The following VOPP1 variants were observed in gnomAD, a reference collection of about 807,000 sequenced individuals.
VOPP1 encodes the protein WW domain binding protein VOPP1.
In VOPP1, 8 loss-of-function variants were observed where a neutral mutation model predicts 23.5. The observed-to-expected ratio is 0.34, with a 90% CI of 0.20 to 0.61. VOPP1 has a LOEUF of 0.61. Among genes scored for constraint, VOPP1 ranks in the 20% least tolerant of loss-of-function variants. The pLI, the probability that VOPP1 is intolerant of heterozygous loss-of-function variation, is 0.78. For missense variants in VOPP1, 174 were observed against 238.1 expected, an observed-to-expected ratio of 0.73 and a Z score of 1.77; for synonymous variants, 83 against 97.3, an observed-to-expected ratio of 0.85 and a Z score of 0.86.
At chr7:55,444,841 A>T (rs1791056258) in intron 4 of VOPP1, among the ~76,000 whole-genome samples, 1 of 152,026 alleles carries the variant, frequency 6.6e-6, no homozygotes, top group African/African-American at 2.4e-5. Context: ...TATTTTTCTG[A>T]CAGTACCTTG....
intron 2 of VOPP1, among the ~76,000 whole-genome samples, chr7:55,499,148 T>C (rs1342937425): frequency 6.7e-6 from 1 of 150,362 alleles, no homozygotes; most frequent in Non-Finnish European, 1.5e-5. Context: ...CCTAAATGAG[T>C]GCTCAAGAAT....
chr7:55,440,938 A>G (rs1246492288), intron 4 of VOPP1, among the ~76,000 whole-genome samples: 1 of 152,206 alleles, frequency 6.6e-6, no homozygotes, highest in Non-Finnish European at 1.5e-5. Context: ...AACCATGTTC[A>G]GGGATCAAAG....
chr7:55,452,210 T>A (rs1036262381), intron 4 of VOPP1, among the ~76,000 whole-genome samples: 1 of 152,224 alleles, frequency 6.6e-6, no homozygotes, highest in Admixed American at 6.5e-5. Flanking sequence ...CCTTCTTCAC[T>A]CATCCATAGG....
intron 1 of VOPP1, among the ~76,000 whole-genome samples, chr7:55,547,771 C>T (rs1797430273): frequency 1.3e-5 from 2 of 152,192 alleles, no homozygotes; most frequent in South Asian, 4.1e-4. Flanking sequence ...CTGAGTGGTG[C>T]CTGGTTCCCT....
downstream of VOPP1, among the ~76,000 whole-genome samples, chr7:55,468,480 T>C (rs539491243): frequency 1.8e-4 from 28 of 152,228 alleles, no homozygotes; most frequent in African/African-American, 6.7e-4. Flanking sequence ...GGCCTGGCCC[T>C]TCCCAGCGGA....
intron 3 of VOPP1, among the ~76,000 whole-genome samples, chr7:55,497,269 G>A (rs981377911): frequency 5.3e-5 from 8 of 152,244 alleles, no homozygotes; most frequent in African/African-American, 1.9e-4. Flanking sequence ...GCCAGTCTCA[G>A]TTGGGTGATT....
At chr7:55,493,899 G>A (rs1793759246) in intron 3 of VOPP1, among the ~76,000 whole-genome samples, 2 of 152,176 alleles carry the variant, frequency 1.3e-5, no homozygotes, top group Admixed American at 1.3e-4. Context: ...GCACCAAGAG[G>A]TTTGAACAAG....
chr7:55,540,005 G>A (rs920534858), intron 1 of VOPP1, among the ~76,000 whole-genome samples: 5 of 151,692 alleles, frequency 3.3e-5, no homozygotes, highest in African/African-American at 9.7e-5. Context: ...CCAACTTAGG[G>A]ATGGTTTAAA....
At chr7:55,571,987 G>A (rs1798377155) in intron 1 of VOPP1, 2 of 371,912 alleles carry the variant, frequency 5.4e-6, no homozygotes, top group African/African-American at 2.1e-5. Context: ...AGGTCACCCC[G>A]AGCTAACGGA....
intron 2 of VOPP1, among the ~76,000 whole-genome samples, chr7:55,511,103 G>T (rs372075141): frequency 1.3e-5 from 2 of 152,198 alleles, no homozygotes; most frequent in African/African-American, 4.8e-5. Context: ...CCTTGTAAAG[G>T]TTTTGACTTA....
In VOPP1 at chr7:55,470,788, G is replaced by C. The variant is rs919138543; in HGVS notation, c.*2067C>G. 1.3e-5 allele frequency: 2 copies of C among 152,240 alleles called. No individual in the cohort carries two copies. The highest frequency in any genetic ancestry group is 4.8e-5 in the African/African-American group (2 of 41,414). The allele number at this position is 152,240 out of a possible 1,614,324, so 9.4% of individuals were successfully genotyped here. On this transcript the variant is annotated 3_prime_UTR_variant, in exon 5 of 5. Transcript: ENST00000285279. ...CACACCAGGAGCTGTCTCACTCCAG[G>C]AAGTGGGCACAACCCACCATCCACA...
intron 4 of VOPP1, among the ~76,000 whole-genome samples, chr7:55,476,429 C>CGGGGGGGGGGG: frequency 1.3e-4 from 1 of 7,610 alleles, no homozygotes; most frequent in Non-Finnish European, 2.8e-4. Context: ...AGTGGCGTGT[C>CGGGGGGGGGGG]GGGGGGGTGG....
chr7:55,568,701 A>G (rs1423543760), intron 1 of VOPP1, among the ~76,000 whole-genome samples: 2 of 152,246 alleles, frequency 1.3e-5, no homozygotes, highest in African/African-American at 2.4e-5. Context: ...CTAGAAAACA[A>G]TGCACACAAC....
At chr7:55,508,444 T>A (rs1332712386) in intron 2 of VOPP1, among the ~76,000 whole-genome samples, 3 of 152,108 alleles carry the variant, frequency 2.0e-5, no homozygotes, top group African/African-American at 7.2e-5. Context: ...ATTACAAAAA[T>A]TTTTTCTACA....
At chr7:55,495,482 C>G (rs1256392544) in intron 3 of VOPP1, among the ~76,000 whole-genome samples, 2 of 152,218 alleles carry the variant, frequency 1.3e-5, no homozygotes, top group South Asian at 2.1e-4. Flanking sequence ...CCTTTTAACA[C>G]ATCCACTCTT....
In VOPP1 at chr7:55,543,645, C is replaced by T. The variant is rs545430588; in HGVS notation, c.55-22515G>A. On this transcript the variant is annotated intron_variant, in intron 1 of 4. Transcript: ENST00000285279. ...ATCTCATGGTTTTGATTTGCATTTC[C>T]CTAATGATTAGCGGTGTTGAGTATT... Among the ~76,000 whole-genome samples, 3 of 151,904 alleles carry T rather than the reference C, an allele frequency of 2.0e-5. 1 individual carries two copies. In the South Asian group the frequency reaches 6.2e-4, roughly 32 times the overall value.
At chr7:55,538,204 A>G (rs1321703317) in intron 1 of VOPP1, among the ~76,000 whole-genome samples, 1 of 152,178 alleles carries the variant, frequency 6.6e-6, no homozygotes, top group African/African-American at 2.4e-5. Flanking sequence ...AAGTCAGTCT[A>G]TTTTGCTACA....
At chr7:55,552,112 A>AGTGAC (rs1286334220) in intron 1 of VOPP1, among the ~76,000 whole-genome samples, 1 of 151,346 alleles carries the variant, frequency 6.6e-6, no homozygotes, top group Non-Finnish European at 1.5e-5. Context: ...GTCAGGGACC[A>AGTGAC]GTGACCCTGT....
In VOPP1 at chr7:55,473,057, A is replaced by C. The variant is rs1172511434; in HGVS notation, c.329-12T>G. 1 of 1,595,882 alleles carries C rather than the reference A, an allele frequency of 6.3e-7. No individual in the cohort carries two copies. The highest frequency in any genetic ancestry group is 8.5e-7 in the Non-Finnish European group (1 of 1,172,808). ...CGGCTGCTGGGCTCCTGAAAGACAGACAAACATAGGTGAGCACAGAAGGGA... is the reference window on the plus strand; with the variant it reads ...CGGCTGCTGGGCTCCTGAAAGACAGCCAAACATAGGTGAGCACAGAAGGGA... On this transcript the variant is annotated splice_polypyrimidine_tract_variant and intron_variant, in intron 4 of 4. Transcript: ENST00000285279.
Sources: gnomAD v4.1 joint callset for allele counts (sites outside exome capture counted in the v4.1 genomes callset) on GRCh38, gnomAD v4.1.1 for gene constraint, MANE v1.5 for transcripts, NCBI Gene and HGNC (gene_info 2026-07-23, HGNC 2026-07-21) for gene names.